Variants in ZBTB7C observed in about 807,000 individuals in gnomAD.
ZBTB7C encodes the protein zinc finger and BTB domain-containing protein 7C.
A neutral mutation model predicts 25.7 loss-of-function variants in ZBTB7C; 8 were observed. The ratio of observed to expected loss-of-function variants is 0.31; its 90% CI spans 0.18 to 0.56. The LOEUF (loss-of-function observed/expected upper bound fraction) is 0.56. Among genes scored for constraint, ZBTB7C ranks in the 20% least tolerant of loss-of-function variants. ZBTB7C has a pLI of 0.91. For synonymous variants in ZBTB7C, 394 were observed against 369.0 expected, an observed-to-expected ratio of 1.07 and a Z score of -0.78; for missense variants, 824 against 855.2, an observed-to-expected ratio of 0.96 and a Z score of 0.46.
chr18:48,346,793 CT>C (rs527780451), intron 1 of ZBTB7C: 133 of 146,820 alleles, frequency 9.1e-4, no homozygotes, highest in Non-Finnish European at 8.3e-4. Context: ...TTTCTTTTTC[CT>C]TTTTTTTTTT....
intron 3 of ZBTB7C, among the ~76,000 whole-genome samples, chr18:48,131,695 G>A (rs1302214891): frequency 6.6e-6 from 1 of 152,212 alleles, no homozygotes; most frequent in Non-Finnish European, 1.5e-5. Context: ...GGAAAGCTCA[G>A]TATAGAGCTC....
intron 3 of ZBTB7C, chr18:48,136,949 G>T: frequency 2.1e-6 from 2 of 972,012 alleles, no homozygotes; most frequent in Non-Finnish European, 2.4e-6. Context: ...CCCGGCCGCT[G>T]GGCTCCCCAG....
chr18:48,201,424 C>T (rs1357797340), intron 2 of ZBTB7C, among the ~76,000 whole-genome samples: 1 of 152,120 alleles, frequency 6.6e-6, no homozygotes, highest in East Asian at 1.9e-4. Flanking sequence ...CCTCTGATGT[C>T]CATTCCTGTG....
chr18:48,367,322 GTGTATATATA>G (rs2047262031), intron 1 of ZBTB7C, among the ~76,000 whole-genome samples: 2 of 119,256 alleles, frequency 1.7e-5, no homozygotes, highest in Non-Finnish European at 3.3e-5. Context: ...ACATATATGT[GTGTATATATA>G]TACATATATG....
At chr18:48,341,894 T>TG (rs2046610152) in intron 1 of ZBTB7C, among the ~76,000 whole-genome samples, 1 of 152,118 alleles carries the variant, frequency 6.6e-6, no homozygotes, top group South Asian at 2.1e-4. Context: ...CTGCCGTTGG[T>TG]GGGGGGCCTC....
At position 48,115,903 on chromosome 18, in the gene ZBTB7C, C is replaced by T. The variant is rs551487090; in HGVS notation, c.-17+70031G>A. 2.6e-5 allele frequency among the ~76,000 whole-genome samples: 4 copies of T among 152,134 alleles called. 1 individual carries two copies. The South Asian group carries it at 6.2e-4, about 24-fold the overall frequency. On this transcript the variant is annotated intron_variant, in intron 3 of 4. Transcript: ENST00000590800. ...GACAGCTCTGGAAGAAAGGGCGGGGCATACCATGGAGGAGGGAGACCAAGG... is the reference window on the plus strand; with the variant it reads ...GACAGCTCTGGAAGAAAGGGCGGGGTATACCATGGAGGAGGGAGACCAAGG...
intron 2 of ZBTB7C, among the ~76,000 whole-genome samples, chr18:48,296,426 C>A (rs1250243584): frequency 6.6e-6 from 1 of 152,264 alleles, no homozygotes; most frequent in Non-Finnish European, 1.5e-5. Context: ...AGAGGCTCTT[C>A]TCTCCTCATC....
intron 1 of ZBTB7C, among the ~76,000 whole-genome samples, chr18:48,398,003 T>A (rs1451312284): frequency 6.6e-6 from 1 of 152,206 alleles, no homozygotes. Flanking sequence ...TCCACAACTA[T>A]TCAGCAACTT....
chr18:48,154,115 A>C (rs931486798), intron 3 of ZBTB7C, among the ~76,000 whole-genome samples: 1 of 152,214 alleles, frequency 6.6e-6, no homozygotes, highest in Admixed American at 6.5e-5. Context: ...GTACCCAGTA[A>C]GCAAGCAGGG....
In ZBTB7C at chr18:48,040,101, T is replaced by C. The variant is rs747841103; in HGVS notation, c.1007A>G (p.Asn336Ser). ...TCCCAGGTGGGTGGCACTCAGGAAG[T>C]TGAGATAGGCACCGTAGTCGTTCTC... ...KAENDYGAYL[N>S]FLSATHLGGL... Residue 336 changes from asparagine to serine, a missense_variant, in exon 4 of 5, where the codon AAC (asparagine) becomes AGC (serine). Physicochemically the swap from Asn to Ser is conservative, Grantham distance 46. Transcript: ENST00000590800. The C allele has an allele frequency of 2.6e-5, 42 of 1,608,488 alleles. No homozygotes were observed. Among genetic ancestry groups the C allele is most frequent in the Non-Finnish European group, 3.5e-5 (41 of 1,177,344 alleles).
At chr18:48,146,633 T>A (rs758804123) in intron 3 of ZBTB7C, among the ~76,000 whole-genome samples, 5 of 152,246 alleles carry the variant, frequency 3.3e-5, no homozygotes, top group Non-Finnish European at 5.9e-5. Flanking sequence ...GATCTAGAAC[T>A]GATTTTTAGA....
chr18:48,317,771 T>A lies in ZBTB7C; in HGVS notation c.-79+20403A>T, dbSNP rs536658613. The stretch of plus-strand genomic sequence containing the variant: ...GGGCAGAGCCAGTGGTTCTCAATCC[T>A]GGCTAACAAAAAGGATCACCTGGGG... On this transcript the variant is annotated intron_variant, in intron 2 of 4. Transcript: ENST00000590800. 4.0e-4 allele frequency among the ~76,000 whole-genome samples: 61 copies of A among 152,294 alleles called. 1 individual carries two copies. Among genetic ancestry groups the A allele is most frequent in the South Asian group, 2.7e-3 (13 of 4,818 alleles).
intron 2 of ZBTB7C, among the ~76,000 whole-genome samples, chr18:48,324,919 G>A (rs983484999): frequency 1.3e-5 from 2 of 152,124 alleles, no homozygotes; most frequent in Non-Finnish European, 2.9e-5. Flanking sequence ...CACACAGAGC[G>A]GGCAGAGCCA....
intron 1 of ZBTB7C, among the ~76,000 whole-genome samples, chr18:48,371,110 C>A (rs114315308): frequency 8.4e-4 from 128 of 152,262 alleles, no homozygotes; most frequent in African/African-American, 2.7e-3. Context: ...ACCTAGCTTT[C>A]ACTTATCTCT....
chr18:48,351,790 G>A (rs968656393), intron 1 of ZBTB7C, among the ~76,000 whole-genome samples: 1 of 152,202 alleles, frequency 6.6e-6, no homozygotes, highest in Non-Finnish European at 1.5e-5. Flanking sequence ...AACCCAAAGA[G>A]TGCTCGTTCC....
At chr18:48,065,592 C>A (rs544277820) in intron 3 of ZBTB7C, among the ~76,000 whole-genome samples, 16 of 152,270 alleles carry the variant, frequency 1.1e-4, no homozygotes, top group African/African-American at 3.4e-4. Flanking sequence ...AATTGGAGGG[C>A]TCTCAGGAGG....
At chr18:48,076,820 G>T in intron 3 of ZBTB7C, 1 of 487,966 alleles carries the variant, frequency 2.0e-6, no homozygotes, top group Non-Finnish European at 2.7e-6. Context: ...GCTCTGCTGA[G>T]AACCCATGGG....
intron 3 of ZBTB7C, among the ~76,000 whole-genome samples, chr18:48,126,778 T>C (rs1449983642): frequency 6.6e-6 from 1 of 152,150 alleles, no homozygotes; most frequent in Admixed American, 6.5e-5. Context: ...TGGAGTCCCT[T>C]GTAAGGCTGA....
At chr18:48,048,099 C>A (rs2036545083) in intron 3 of ZBTB7C, among the ~76,000 whole-genome samples, 1 of 152,160 alleles carries the variant, frequency 6.6e-6, no homozygotes, top group Non-Finnish European at 1.5e-5. Context: ...TTAATCAGAG[C>A]CAGCCTGGAA....
Sources: allele counts gnomAD v4.1 joint callset (sites outside exome capture counted in the v4.1 genomes callset), GRCh38; gene constraint gnomAD v4.1.1; transcripts MANE v1.5; gene names NCBI Gene and HGNC (gene_info 2026-07-23, HGNC 2026-07-21).